Variants in TP63 observed in about 807,000 individuals in gnomAD.
TP63 encodes the protein tumor protein p63.
Under a neutral mutation model 82.8 loss-of-function variants are expected in TP63, and 17 were observed. That is an observed-to-expected ratio of 0.21 (90% CI 0.14 to 0.31). The LOEUF is 0.31. TP63 is among the 10% of genes least tolerant of loss of function. TP63 has a pLI of 1.00. For synonymous variants in TP63, 330 were observed against 321.7 expected, an observed-to-expected ratio of 1.03 and a Z score of -0.28; for missense variants, 648 against 895.3, an observed-to-expected ratio of 0.72 and a Z score of 3.52.
chr3:189,758,403 G>A (rs118044792), intron 3 of TP63, among the ~76,000 whole-genome samples: 2 of 152,276 alleles, frequency 1.3e-5, no homozygotes, highest in East Asian at 1.9e-4. Flanking sequence ...CATACAACTC[G>A]AGTAAACACA....
chr3:189,607,977 G>T, the TP63 span, among the ~76,000 whole-genome samples: 2 of 151,764 alleles, frequency 1.3e-5, no homozygotes, highest in African/African-American at 4.9e-5. Flanking sequence ...AGACTTGAGA[G>T]GTTCAGCCCT....
chr3:189,880,009 G>T, intron 10 of TP63: 3 of 1,596,178 alleles, frequency 1.9e-6, no homozygotes, highest in South Asian at 1.1e-5. Flanking sequence ...CAATTGATTT[G>T]AATAGATGAA....
intron 1 of TP63, among the ~76,000 whole-genome samples, chr3:189,639,996 T>C (rs919817086): frequency 6.6e-6 from 1 of 152,150 alleles, no homozygotes; most frequent in African/African-American, 2.4e-5. Context: ...AAACTTTAAA[T>C]ATTTTATTTG....
intron 1 of TP63, among the ~76,000 whole-genome samples, chr3:189,717,428 A>C (rs1202822229): frequency 6.6e-6 from 1 of 152,180 alleles, no homozygotes; most frequent in African/African-American, 2.4e-5. Flanking sequence ...TTTGAATAAT[A>C]ATTTGCTTAT....
chr3:189,848,239 T>TTC (rs59468983), intron 4 of TP63, among the ~76,000 whole-genome samples: 4,571 of 96,002 alleles, frequency 0.048, 254 homozygotes, highest in Middle Eastern at 0.12. Flanking sequence ...CTCCTCCTCC[T>TTC]TCTCTCTCTC....
intron 1 of TP63, among the ~76,000 whole-genome samples, chr3:189,669,525 T>C (rs930784712): frequency 1.3e-5 from 2 of 152,098 alleles, no homozygotes; most frequent in South Asian, 4.1e-4. Flanking sequence ...AACAACTGTT[T>C]GTATGAAGTA....
chr3:189,695,754 C>T (rs903342005), intron 1 of TP63, among the ~76,000 whole-genome samples: 8 of 152,122 alleles, frequency 5.3e-5, no homozygotes, highest in African/African-American at 1.2e-4. Flanking sequence ...CTCTCATACA[C>T]GCATCATCCA....
chr3:189,634,531 C>T (rs1296909834), intron 1 of TP63, among the ~76,000 whole-genome samples: 1 of 151,766 alleles, frequency 6.6e-6, no homozygotes, highest in Non-Finnish European at 1.5e-5. Flanking sequence ...TAGTTGTGCC[C>T]TGATGTTAAT....
Position 189,798,021 on chromosome 3 carries a change from C to T in TP63, c.325-10251C>T, listed in dbSNP as rs78228513. On this transcript the variant is annotated intron_variant, in intron 3 of 13. Coordinates refer to ENST00000264731, the MANE Select transcript of TP63 (RefSeq NM_003722.5). ...GCTCTCTGTGTACACCAGATCCTTCCTCCCTATCCTTTGACTGAAGACCCT... is the reference window on the plus strand; with the variant it reads ...GCTCTCTGTGTACACCAGATCCTTCTTCCCTATCCTTTGACTGAAGACCCT... 4.9e-3 allele frequency among the ~76,000 whole-genome samples: 752 copies of T among 152,094 alleles called. 8 individuals carry two copies. The highest frequency in any genetic ancestry group is 0.017 in the African/African-American group (719 of 41,546).
the TP63 span, among the ~76,000 whole-genome samples, chr3:189,597,237 T>C: frequency 6.6e-6 from 1 of 152,176 alleles, no homozygotes; most frequent in Non-Finnish European, 1.5e-5. Flanking sequence ...GGGGAAACCT[T>C]GGTAAGTACT....
At chr3:189,783,387 T>C (rs1479551667) in intron 3 of TP63, among the ~76,000 whole-genome samples, 1 of 151,990 alleles carries the variant, frequency 6.6e-6, no homozygotes, top group African/African-American at 2.4e-5. Flanking sequence ...ATGCTAATGG[T>C]GTCTACGTGT....
the TP63 span, among the ~76,000 whole-genome samples, chr3:189,605,163 C>T: frequency 6.6e-6 from 1 of 152,092 alleles, no homozygotes; most frequent in Non-Finnish European, 1.5e-5. Context: ...CCTACAAATA[C>T]AATAAAAAAC....
rs1382128487 is a variant in TP63, at chr3:189,806,218, T to C, written c.325-2054T>C. 3.3e-5 allele frequency among the ~76,000 whole-genome samples: 5 copies of C among 151,990 alleles called. No individual in the cohort carries two copies. In the East Asian group the frequency reaches 9.7e-4, roughly 29 times the overall value. Reference sequence around the variant, plus strand: ...AGGGGCCCATGCGTCTTTGTTCTCATCCAAGCCCACAATTAGTTAGCTGGG... The same window carrying C: ...AGGGGCCCATGCGTCTTTGTTCTCACCCAAGCCCACAATTAGTTAGCTGGG... On this transcript the variant is annotated intron_variant, in intron 3 of 13. Transcript: ENST00000264731.
chr3:189,860,989 G>A (rs149661847), intron 4 of TP63, among the ~76,000 whole-genome samples: 3 of 152,192 alleles, frequency 2.0e-5, no homozygotes, highest in African/African-American at 4.8e-5. Flanking sequence ...TTTTTAACCC[G>A]CATCCCCTCC....
At chr3:189,630,622 G>A (rs7631358), upstream of TP63, among the ~76,000 whole-genome samples, 20,012 of 151,970 alleles carry the variant, frequency 0.13, 1,742 homozygotes, top group East Asian at 0.45. Flanking sequence ...GTGCACTTCA[G>A]AATATTCTAC....
intron 4 of TP63, among the ~76,000 whole-genome samples, chr3:189,843,373 A>C (rs1458443523): frequency 6.6e-6 from 1 of 152,154 alleles, no homozygotes; most frequent in Non-Finnish European, 1.5e-5. Flanking sequence ...GCCCGGGAAG[A>C]ATGTGCCGCT....
intron 4 of TP63, among the ~76,000 whole-genome samples, chr3:189,832,320 A>G (rs1391656811): frequency 6.6e-6 from 1 of 152,138 alleles, no homozygotes; most frequent in Admixed American, 6.6e-5. Context: ...ACAGATGGAC[A>G]GTTGTTAGAG....
intron 1 of TP63, among the ~76,000 whole-genome samples, chr3:189,714,985 A>T (rs970606155): frequency 6.6e-6 from 1 of 152,092 alleles, no homozygotes; most frequent in African/African-American, 2.4e-5. Flanking sequence ...TATTTTTCCA[A>T]CCTCCCTTAA....
intron 1 of TP63, among the ~76,000 whole-genome samples, chr3:189,706,979 T>A (rs76860898): frequency 1.3e-5 from 2 of 152,212 alleles, no homozygotes; most frequent in African/African-American, 4.8e-5. Context: ...TATTCTGTTA[T>A]GGTTCCTTAA....
Sources: allele counts gnomAD v4.1 joint callset (sites outside exome capture counted in the v4.1 genomes callset), GRCh38; gene constraint gnomAD v4.1.1; transcripts MANE v1.5; gene names NCBI Gene and HGNC (gene_info 2026-07-23, HGNC 2026-07-21).